Variants in BABAM2 observed in about 807,000 individuals in gnomAD.
BABAM2 encodes the protein BRISC and BRCA1-A complex member 2.
Under a neutral mutation model 54.7 loss-of-function variants are expected in BABAM2, and 31 were observed. The ratio of observed to expected loss-of-function variants is 0.57; its 90% CI spans 0.43 to 0.77. The LOEUF (loss-of-function observed/expected upper bound fraction) is 0.77, where lower values mean the gene tolerates loss of function less well. Among genes scored for constraint, BABAM2 ranks in the 30% least tolerant of loss-of-function variants. The probability of loss-of-function intolerance (pLI) is 0.00; values close to 1 mark genes in which losing one functional copy is unlikely to be tolerated. For synonymous variants in BABAM2, 167 were observed against 162.9 expected, an observed-to-expected ratio of 1.03 and a Z score of -0.19; for missense variants, 364 against 455.8, an observed-to-expected ratio of 0.80 and a Z score of 1.83.
intron 4 of BABAM2, among the ~76,000 whole-genome samples, chr2:27,999,949 G>C (rs968607107): frequency 1.3e-5 from 2 of 152,110 alleles, no homozygotes; most frequent in Non-Finnish European, 2.9e-5. Context: ...GATCTTCTGA[G>C]GGAAGGGCTA....
intron 10 of BABAM2, among the ~76,000 whole-genome samples, chr2:28,279,585 C>T (rs73922279): frequency 1.3e-3 from 190 of 151,442 alleles, no homozygotes; most frequent in African/African-American, 4.3e-3. Context: ...TGCTTCATCT[C>T]GAAATCCCCA....
chr2:27,979,176 C>T (rs528162203), intron 3 of BABAM2, among the ~76,000 whole-genome samples: 28 of 151,950 alleles, frequency 1.8e-4, no homozygotes, highest in Middle Eastern at 3.4e-3. Flanking sequence ...TACAGGCATG[C>T]GCCACCATGC....
intron 7 of BABAM2, among the ~76,000 whole-genome samples, chr2:28,140,178 CTAAG>C (rs1213386333): frequency 6.6e-6 from 1 of 152,124 alleles, no homozygotes; most frequent in East Asian, 1.9e-4. Context: ...AGTCTGAACT[CTAAG>C]TCTCTAATTC....
At chr2:28,094,893 C>T (rs1369563875) in intron 6 of BABAM2, among the ~76,000 whole-genome samples, 2 of 150,430 alleles carry the variant, frequency 1.3e-5, no homozygotes, top group East Asian at 1.9e-4. Context: ...CATACCACTA[C>T]GTAGCTCCCT....
chr2:28,282,533 C>G (rs1331285456), intron 10 of BABAM2, among the ~76,000 whole-genome samples: 1 of 152,128 alleles, frequency 6.6e-6, no homozygotes, highest in Non-Finnish European at 1.5e-5. Flanking sequence ...CCAGACACAG[C>G]AGGCAGGGTC....
At chr2:28,252,254 A>G (rs560741748) in intron 10 of BABAM2, among the ~76,000 whole-genome samples, 1 of 152,242 alleles carries the variant, frequency 6.6e-6, no homozygotes, top group East Asian at 1.9e-4. Flanking sequence ...CAAAATATCA[A>G]ACCAGTCAGT....
chr2:28,041,011 G>T (rs1481173920), intron 5 of BABAM2, among the ~76,000 whole-genome samples: 3 of 152,178 alleles, frequency 2.0e-5, no homozygotes, highest in African/African-American at 4.8e-5. Flanking sequence ...AAAATACATT[G>T]TACAAGCTAA....
intron 6 of BABAM2, among the ~76,000 whole-genome samples, chr2:28,074,938 T>C (rs572721314): frequency 6.6e-6 from 1 of 152,220 alleles, no homozygotes; most frequent in African/African-American, 2.4e-5. Context: ...AGTTCATTCT[T>C]CTTCCAAGAT....
chr2:28,235,726 G>A (rs548918269), intron 7 of BABAM2, among the ~76,000 whole-genome samples: 3 of 151,920 alleles, frequency 2.0e-5, no homozygotes, highest in South Asian at 4.2e-4. Context: ...GCACGATCTC[G>A]GCTCACTGCA....
At chr2:28,050,655 G>C (rs1375181929) in intron 6 of BABAM2, among the ~76,000 whole-genome samples, 2 of 152,194 alleles carry the variant, frequency 1.3e-5, no homozygotes, top group Non-Finnish European at 2.9e-5. Flanking sequence ...TAATTGATAA[G>C]TTAACATTTA....
chr2:28,110,837 G>A (rs75655975), intron 6 of BABAM2, among the ~76,000 whole-genome samples: 114 of 152,094 alleles, frequency 7.5e-4, no homozygotes, highest in Non-Finnish European at 1.2e-3. Context: ...GTGCACAAGT[G>A]CTCCAGTTTC....
At chr2:28,017,997 A>G (rs1674968685) in intron 4 of BABAM2, among the ~76,000 whole-genome samples, 1 of 152,100 alleles carries the variant, frequency 6.6e-6, no homozygotes, top group Non-Finnish European at 1.5e-5. Context: ...AAATTTTTTA[A>G]TTTTTGTATT....
chr2:28,177,571 A>G (rs1675141668), intron 7 of BABAM2, among the ~76,000 whole-genome samples: 2 of 152,166 alleles, frequency 1.3e-5, no homozygotes, highest in Non-Finnish European at 2.9e-5. Context: ...TAATAGAGAA[A>G]GAAACAAAGG....
At chr2:28,319,442 A>T (rs1689837641) in intron 11 of BABAM2, among the ~76,000 whole-genome samples, 1 of 152,254 alleles carries the variant, frequency 6.6e-6, no homozygotes, top group Admixed American at 6.5e-5. Flanking sequence ...TGTGCGGGGC[A>T]GAAGCTGCAC....
intron 7 of BABAM2, among the ~76,000 whole-genome samples, chr2:28,204,874 C>A (rs574070808): frequency 3.3e-5 from 5 of 152,038 alleles, no homozygotes; most frequent in African/African-American, 7.2e-5. Flanking sequence ...CGCAGCCCCC[C>A]GTATGGGCCT....
chr2:28,159,716 C>T (rs1672876209), intron 7 of BABAM2, among the ~76,000 whole-genome samples: 1 of 152,000 alleles, frequency 6.6e-6, no homozygotes, highest in Non-Finnish European at 1.5e-5. Context: ...CCCATCTCTA[C>T]TAAAAATACA....
At chr2:28,077,976 T>C (rs994493377) in intron 6 of BABAM2, among the ~76,000 whole-genome samples, 1 of 152,158 alleles carries the variant, frequency 6.6e-6, no homozygotes, top group Non-Finnish European at 1.5e-5. Context: ...TCTTTTCCAC[T>C]TTCTGGGATT....
At chr2:28,310,997 C>T (rs1689032229) in intron 11 of BABAM2, among the ~76,000 whole-genome samples, 1 of 152,088 alleles carries the variant, frequency 6.6e-6, no homozygotes, top group East Asian at 1.9e-4. Flanking sequence ...CGCGGTGGCT[C>T]ACGCCTGTAA....
intron 6 of BABAM2, among the ~76,000 whole-genome samples, chr2:28,112,181 C>CCTTCCTTCCTTCCTTCCTT (rs1558347125): frequency 3.2e-5 from 1 of 30,868 alleles, no homozygotes; most frequent in Non-Finnish European, 5.9e-5. Flanking sequence ...CTCCCTCCCT[C>CCTTCCTTCCTTCCTTCCTT]CCTCCCTCCC....
Sources: gnomAD v4.1 joint callset for allele counts (sites outside exome capture counted in the v4.1 genomes callset) on GRCh38, gnomAD v4.1.1 for gene constraint, MANE v1.5 for transcripts, NCBI Gene and HGNC (gene_info 2026-07-23, HGNC 2026-07-21) for gene names.